RPAP3: variants seen among roughly 807,000 people sequenced by gnomAD.
RPAP3 encodes the protein RNA polymerase II associated protein 3, also known as RNA polymerase II-associated protein 3.
RPAP3 carries 58 observed loss-of-function variants against 88.8 expected under a neutral mutation model. That is an observed-to-expected ratio of 0.65 (90% CI 0.53 to 0.81). The LOEUF (loss-of-function observed/expected upper bound fraction) is 0.81, where lower values mean the gene tolerates loss of function less well. Among genes scored for constraint, RPAP3 ranks in the 40% least tolerant of loss-of-function variants. RPAP3 has a pLI of 0.00. For synonymous variants in RPAP3, 255 were observed against 259.9 expected (o/e 0.98, Z 0.18); for missense variants, 751 against 764.3 (o/e 0.98, Z 0.20).
intron 5 of RPAP3, among the ~76,000 whole-genome samples, chr12:47,693,211 C>G (rs1417452233): frequency 3.9e-5 from 6 of 151,988 alleles, no homozygotes. Context: ...GGCCTAATTT[C>G]AATACTGTTG....
At chr12:47,671,695 A>T (rs1004765185) in intron 12 of RPAP3, among the ~76,000 whole-genome samples, 1 of 152,216 alleles carries the variant, frequency 6.6e-6, no homozygotes, top group Non-Finnish European at 1.5e-5. Context: ...TCAAGAATGG[A>T]TATGTGTATT....
At position 47,662,972 on chromosome 12, in the gene RPAP3, T is replaced by A. The variant is rs1315396958; in HGVS notation, c.*533A>T. On this transcript the variant is annotated 3_prime_UTR_variant, in exon 17 of 17. Coordinates refer to ENST00000005386, the MANE Select transcript of RPAP3 (RefSeq NM_024604.3). Reference sequence around the variant, plus strand: ...TACTGTGATACTTCAATTAACCTAGTTTGAAAGTCTAGTTAAAAGTCTTCT... The same window carrying A: ...TACTGTGATACTTCAATTAACCTAGATTGAAAGTCTAGTTAAAAGTCTTCT... The A allele has an allele frequency of 6.6e-6, 1 of 152,320 alleles. No individual in the cohort carries two copies. Among genetic ancestry groups the A allele is most frequent in the Non-Finnish European group, 1.5e-5 (1 of 68,098 alleles). The allele number at this position is 152,320 out of a possible 1,614,324, so 9.4% of individuals were successfully genotyped here. A position where few individuals can be genotyped will look rare whatever the true frequency, so the allele number is the denominator to read the frequency against.
intron 7 of RPAP3, among the ~76,000 whole-genome samples, chr12:47,688,524 T>C (rs1939368708): frequency 6.6e-6 from 1 of 152,162 alleles, no homozygotes; most frequent in African/African-American, 2.4e-5. Context: ...ATAAGTAGCA[T>C]CCATTAAAAG....
At chr12:47,676,493 C>A (rs964163624) in intron 12 of RPAP3, among the ~76,000 whole-genome samples, 1 of 152,050 alleles carries the variant, frequency 6.6e-6, no homozygotes, top group East Asian at 1.9e-4. Context: ...AATTGATAGA[C>A]CACTAGCAAG....
In RPAP3 at chr12:47,690,437, C is replaced by T; in HGVS notation, c.667+81G>A. The T allele has an allele frequency of 6.0e-6, 7 of 1,161,484 alleles. 1 individual carries two copies. The highest frequency in any genetic ancestry group is 8.1e-6 in the Non-Finnish European group (7 of 863,926). 71.9% of individuals were successfully genotyped at this position (1,161,484 alleles called of 1,614,324 possible). On this transcript the variant is annotated intron_variant, in intron 6 of 16. Transcript: ENST00000005386. ...ACAGAAAGCTCTCTGAAGGTAGTAA[C>T]TGTGATTACTCAGTATTCTCCATAT...
rs374367674 is a variant in RPAP3 at position 47,702,764 on chromosome 12, C to T, written c.77G>A (p.Arg26Gln). The T allele has an allele frequency of 6.2e-6, 10 of 1,611,902 alleles. No homozygotes were observed. The highest frequency in any genetic ancestry group is 4.4e-5 in the South Asian group (4 of 90,958). Residue 26 changes from arginine to glutamine, a missense_variant, in exon 2 of 17, where the codon CGG becomes CAG. Transcript: ENST00000005386. ...GTCTTTTTCCCAGTTTTCTAAATCC[C>T]GCATAAAGTCTTGTAATTCTTCTGC... ...QNAEELQDFM[R>Q]DLENWEKDIK...
At position 47,679,551 on chromosome 12, in the gene RPAP3, G is replaced by A. The variant is rs779184026; in HGVS notation, c.1229C>T (p.Ser410Phe). The change falls in exon 12 of 17, where the codon TCC (serine) becomes TTC (phenylalanine). Residue 410 changes from serine to phenylalanine, a missense_variant. By Grantham distance (155) the Ser-to-Phe change is radical. Coordinates refer to ENST00000005386, the MANE Select transcript of RPAP3 (RefSeq NM_024604.3). ...TTTTACCACATTTTGTCTTTGTGTGGAATCAAGAAAGACATCATCCCAGTG... is the reference window on the plus strand; with the variant it reads ...TTTTACCACATTTTGTCTTTGTGTGAAATCAAGAAAGACATCATCCCAGTG... ...KGHWDDVFLD[S>F]TQRQNVVKPI... 1 of 1,606,416 alleles carries A rather than the reference G, an allele frequency of 6.2e-7. No homozygotes were observed. The highest frequency in any genetic ancestry group is 8.5e-7 in the Non-Finnish European group (1 of 1,175,666).
At chr12:47,667,536 T>C (rs917410746) in intron 15 of RPAP3, among the ~76,000 whole-genome samples, 2 of 152,166 alleles carry the variant, frequency 1.3e-5, no homozygotes, top group African/African-American at 4.8e-5. Context: ...AAGAGTACAG[T>C]AAATTCTCAC....
chr12:47,677,609 G>A (rs545329926), intron 12 of RPAP3, among the ~76,000 whole-genome samples: 8 of 152,034 alleles, frequency 5.3e-5, no homozygotes, highest in African/African-American at 1.7e-4. Flanking sequence ...CAGACAAGCA[G>A]AGAGACAAAT....
intron 1 of RPAP3, among the ~76,000 whole-genome samples, chr12:47,704,999 G>A (rs555967965): frequency 6.0e-4 from 92 of 152,132 alleles, no homozygotes; most frequent in African/African-American, 2.1e-3. Context: ...AAAAGGAGGG[G>A]GGGGAATGAA....
intron 3 of RPAP3, chr12:47,699,997 T>TA (rs1221598508): frequency 1.3e-5 from 2 of 149,534 alleles, no homozygotes; most frequent in African/African-American, 4.9e-5. Flanking sequence ...TGTTCTTTTT[T>TA]TTTTTTTTTT....
chr12:47,705,187 G>A (rs191450342), intron 1 of RPAP3, among the ~76,000 whole-genome samples: 1 of 152,230 alleles, frequency 6.6e-6, no homozygotes, highest in Admixed American at 6.5e-5. Flanking sequence ...TTTAGGCGGA[G>A]GGAAGAGAAG....
rs1938948595 is a variant in RPAP3 at position 47,669,354 on chromosome 12, C to G, written c.1527-252G>C. Among the ~76,000 whole-genome samples the G allele has an allele frequency of 7.2e-5, 11 of 152,262 alleles. No homozygotes were observed. The South Asian group carries it at 2.3e-3, about 32-fold the overall frequency. Reference sequence around the variant, plus strand: ...TCTGCTGGGCAGCTAACCTATCCACCTTTTGAGTATACCATTTCTATATAT... The same window carrying G: ...TCTGCTGGGCAGCTAACCTATCCACGTTTTGAGTATACCATTTCTATATAT... On this transcript the variant is annotated intron_variant, in intron 13 of 16. Transcript: ENST00000005386.
Position 47,702,818 on chromosome 12 carries a change from ATTGCT to A in RPAP3, c.18_22del (p.Lys6AsnfsTer29). The stretch of plus-strand genomic sequence containing the variant: ...TTGTTTCACTTGTAGTTGTAATTCG[ATTGCT>A]TTATTTGCTGAAGTCATTATGGTCT... On this transcript the variant is annotated frameshift_variant, in exon 2 of 17. Transcript: ENST00000005386. LOFTEE classifies it high-confidence loss of function. The A allele has an allele frequency of 1.2e-6, 2 of 1,613,164 alleles. No individual in the cohort carries two copies. Among genetic ancestry groups the A allele is most frequent in the Non-Finnish European group, 1.7e-6 (2 of 1,179,658 alleles).
chr12:47,694,314 C>G (rs182947445), intron 5 of RPAP3, among the ~76,000 whole-genome samples: 1 of 152,056 alleles, frequency 6.6e-6, no homozygotes, highest in Non-Finnish European at 1.5e-5. Flanking sequence ...GGCAGATCCA[C>G]GGGGGAAAGT....
intron 12 of RPAP3, among the ~76,000 whole-genome samples, chr12:47,673,538 G>A (rs1288589496): frequency 6.7e-6 from 1 of 149,826 alleles, no homozygotes; most frequent in Non-Finnish European, 1.5e-5. Flanking sequence ...CTACTAACTA[G>A]TACAAACATA....
At chr12:47,680,896 T>C (rs576580379) in intron 10 of RPAP3, among the ~76,000 whole-genome samples, 2 of 144,998 alleles carry the variant, frequency 1.4e-5, no homozygotes, top group South Asian at 2.1e-4. Flanking sequence ...GGATGGCAGA[T>C]AGGAAAAGAT....
At chr12:47,702,586 A>C in intron 2 of RPAP3, 102 bp downstream of exon 2, 21 of 891,438 alleles carry the variant, frequency 2.4e-5, no homozygotes, top group Non-Finnish European at 2.3e-5. Context: ...CAGTGAAGCA[A>C]GTCACTTCAA....
Position 47,687,940 on chromosome 12 carries a change from T to C in RPAP3, c.800A>G (p.Glu267Gly). Residue 267 changes from glutamate (E) to glycine (G), a missense_variant, in exon 8 of 17, where the codon GAA becomes GGA. Transcript: ENST00000005386. ...KEADIVIKSTEGERKQIEAQQ... is the reference protein window; with the variant it reads ...KEADIVIKSTGGERKQIEAQQ... ...TGCTTCAATTTGCTTTCGCTCTCCT[T>C]CTGTTGACTTAATCACTATGTCAGC... 3 of 1,613,772 alleles carry C rather than the reference T, an allele frequency of 1.9e-6. No individual in the cohort carries two copies. The highest frequency in any genetic ancestry group is 2.5e-6 in the Non-Finnish European group (3 of 1,179,790).
Sources: allele counts gnomAD v4.1 joint callset (sites outside exome capture counted in the v4.1 genomes callset), GRCh38; gene constraint gnomAD v4.1.1; transcripts MANE v1.5; gene names NCBI Gene and HGNC (gene_info 2026-07-23, HGNC 2026-07-21).